The following SLX4IP variants were observed in gnomAD, a reference collection of about 807,000 sequenced individuals.
SLX4IP encodes the protein protein SLX4IP.
In SLX4IP, 34 loss-of-function variants were observed where a neutral mutation model predicts 32.9. That is an observed-to-expected ratio of 1.03 (90% CI 0.79 to 1.38). The LOEUF is 1.38. SLX4IP is among the 40% of genes most tolerant of loss of function. The pLI, the probability that SLX4IP is intolerant of heterozygous loss-of-function variation, is 0.00. For synonymous variants in SLX4IP, 172 were observed against 171.7 expected (o/e 1.00, Z -0.01); for missense variants, 444 against 479.0 (o/e 0.93, Z 0.68).
chr20:10,584,443 A>T (rs1024575942), intron 4 of SLX4IP, among the ~76,000 whole-genome samples: 1 of 152,236 alleles, frequency 6.6e-6, no homozygotes, highest in Non-Finnish European at 1.5e-5. Context: ...GTCTTCTAAG[A>T]ACTCTGCAAA....
At chr20:10,525,675 A>G (rs1802185899) in intron 2 of SLX4IP, among the ~76,000 whole-genome samples, 1 of 152,176 alleles carries the variant, frequency 6.6e-6, no homozygotes, top group Non-Finnish European at 1.5e-5. Flanking sequence ...AAGTCCTTCC[A>G]AGAAATATTT....
intron 2 of SLX4IP, among the ~76,000 whole-genome samples, chr20:10,471,330 G>A (rs2065423185): frequency 6.6e-6 from 1 of 152,214 alleles, no homozygotes; most frequent in Non-Finnish European, 1.5e-5. Flanking sequence ...TGAGGCTGAT[G>A]ATTGCCCATC....
chr20:10,447,084 A>G (rs1339918489), intron 1 of SLX4IP, among the ~76,000 whole-genome samples: 1 of 152,170 alleles, frequency 6.6e-6, no homozygotes, highest in Non-Finnish European at 1.5e-5. Flanking sequence ...TGAGTCTTGT[A>G]TGAGATCGAG....
At chr20:10,567,119 G>T (rs1405536508) in intron 4 of SLX4IP, among the ~76,000 whole-genome samples, 2 of 152,172 alleles carry the variant, frequency 1.3e-5, no homozygotes, top group Non-Finnish European at 2.9e-5. Context: ...ATTCATCCAT[G>T]CCTCCATGGC....
intron 4 of SLX4IP, among the ~76,000 whole-genome samples, chr20:10,561,059 GT>G (rs1425197643): frequency 2.0e-5 from 3 of 152,108 alleles, no homozygotes; most frequent in African/African-American, 7.2e-5. Context: ...ACTGTAAATT[GT>G]TTAAAGGATT....
intron 4 of SLX4IP, among the ~76,000 whole-genome samples, chr20:10,580,208 G>A (rs117398002): frequency 8.5e-4 from 129 of 152,166 alleles, no homozygotes; most frequent in Non-Finnish European, 1.6e-3. Context: ...CTAAAGTTGA[G>A]GCCAGGTTAA....
chr20:10,547,216 C>T (rs2066171327), intron 2 of SLX4IP, among the ~76,000 whole-genome samples: 1 of 152,196 alleles, frequency 6.6e-6, no homozygotes, highest in Non-Finnish European at 1.5e-5. Context: ...TTGATTTTCT[C>T]CTCCTTTTAG....
At chr20:10,508,498 T>C (rs2065778146) in intron 2 of SLX4IP, among the ~76,000 whole-genome samples, 1 of 152,192 alleles carries the variant, frequency 6.6e-6, no homozygotes, top group Non-Finnish European at 1.5e-5. Flanking sequence ...AGATTTACAT[T>C]TCCCTGTCTT....
chr20:10,474,957 C>T (rs563487780), intron 2 of SLX4IP, among the ~76,000 whole-genome samples: 1 of 152,356 alleles, frequency 6.6e-6, no homozygotes, highest in Non-Finnish European at 1.5e-5. Context: ...TCTCCAGCTT[C>T]CTGGTCCTCA....
At chr20:10,563,101 C>T (rs976792744) in intron 4 of SLX4IP, among the ~76,000 whole-genome samples, 19 of 152,148 alleles carry the variant, frequency 1.2e-4, no homozygotes, top group Non-Finnish European at 5.9e-5. Context: ...TTGATAATAG[C>T]CATCCTAACT....
At chr20:10,528,615 A>G (rs2065959293) in intron 2 of SLX4IP, among the ~76,000 whole-genome samples, 1 of 152,184 alleles carries the variant, frequency 6.6e-6, no homozygotes, top group Admixed American at 6.5e-5. Context: ...TGTTGTCATT[A>G]TATCAGACTA....
At chr20:10,486,921 C>T (rs1600920976) in intron 2 of SLX4IP, among the ~76,000 whole-genome samples, 1 of 110,666 alleles carries the variant, frequency 9.0e-6, no homozygotes, top group East Asian at 2.5e-4. Flanking sequence ...TTCAAACTTG[C>T]TCTGTTTTTT....
intron 6 of SLX4IP, among the ~76,000 whole-genome samples, chr20:10,610,612 GGTGCTAGCCCCT>G (rs2066955100): frequency 6.6e-6 from 1 of 152,212 alleles, no homozygotes; most frequent in Non-Finnish European, 1.5e-5. Context: ...TCACATACCA[GGTGCTAGCCCCT>G]GTGCCAAGTG....
At chr20:10,460,486 G>T (rs1361648761) in intron 2 of SLX4IP, among the ~76,000 whole-genome samples, 1 of 152,190 alleles carries the variant, frequency 6.6e-6, no homozygotes, top group Non-Finnish European at 1.5e-5. Flanking sequence ...GCTGGCTTTG[G>T]TTGGAATCAT....
chr20:10,452,622 C>G (rs1023561642), intron 1 of SLX4IP, among the ~76,000 whole-genome samples: 1 of 146,702 alleles, frequency 6.8e-6, no homozygotes. Context: ...GCTGAGATCA[C>G]GCTATTGCAC....
At chr20:10,435,792 T>G (rs1003712) in intron 1 of SLX4IP, among the ~76,000 whole-genome samples, 14,687 of 152,240 alleles carry the variant, frequency 0.096, 769 homozygotes, top group East Asian at 0.15. Context: ...TTTGGAGATG[T>G]GAGGTAAATA....
intron 2 of SLX4IP, among the ~76,000 whole-genome samples, chr20:10,472,488 C>T (rs2122364385): frequency 6.6e-6 from 1 of 152,252 alleles, no homozygotes; most frequent in East Asian, 1.9e-4. Context: ...CCTTGGACTC[C>T]CAAAGTGCTG....
chr20:10,498,679 CT>C (rs1290889913), intron 2 of SLX4IP, among the ~76,000 whole-genome samples: 2 of 95,064 alleles, frequency 2.1e-5, no homozygotes, highest in African/African-American at 4.8e-5. Flanking sequence ...TTTTTCTTTT[CT>C]TTTCTTTTTT....
At chr20:10,484,982 G>T (rs1233531488) in intron 2 of SLX4IP, among the ~76,000 whole-genome samples, 2 of 152,058 alleles carry the variant, frequency 1.3e-5, no homozygotes, top group Non-Finnish European at 2.9e-5. Flanking sequence ...TGGCTTGAAT[G>T]GGGGACCTCG....
Sources: gnomAD v4.1 joint callset for allele counts (sites outside exome capture counted in the v4.1 genomes callset) on GRCh38, gnomAD v4.1.1 for gene constraint, MANE v1.5 for transcripts, NCBI Gene and HGNC (gene_info 2026-07-23, HGNC 2026-07-21) for gene names.